Variants in CRACR2B observed in about 807,000 individuals in gnomAD.
CRACR2B encodes the protein calcium release activated channel regulator 2B.
A neutral mutation model predicts 46.0 loss-of-function variants in CRACR2B; 50 were observed. That is an observed-to-expected ratio of 1.09 (90% CI 0.87 to 1.38). CRACR2B has a LOEUF of 1.38. Among genes scored for constraint, CRACR2B ranks in the 40% most tolerant of loss-of-function variants. CRACR2B has a pLI of 0.00. For missense variants in CRACR2B, 667 were observed against 535.0 expected, an observed-to-expected ratio of 1.25 and a Z score of -2.43; for synonymous variants, 277 against 239.6, an observed-to-expected ratio of 1.16 and a Z score of -1.44.
At position 829,833 on chromosome 11, in the gene CRACR2B, G is replaced by T. The variant is rs997748790; in HGVS notation, c.459-153G>T. ...TCACCGACCACGCACGCCGGGCAGG[G>T]GCGAAAGCGCTCACGGGAGGGATGC... On this transcript the variant is annotated intron_variant, in intron 3 of 8. Coordinates refer to ENST00000525077, the MANE Select transcript of CRACR2B (RefSeq NM_001286606.2). 6.5e-6 allele frequency: 9 copies of T among 1,383,136 alleles called. No homozygotes were observed. The African/African-American group carries it at 1.3e-4, about 20-fold the overall frequency. 85.7% of individuals were successfully genotyped at this position (1,383,136 alleles called of 1,614,324 possible).
chr11:828,642 C>T lies in CRACR2B; in HGVS notation c.35C>T (p.Ala12Val). ...ASPGKPGADE[A>V]QEEEGELEGG... ...CCTGGAAAGCCTGGGGCTGATGAGG[C>T]CCAGGAGGAGGAGGGGGAACTCGAG... is the stretch of plus-strand genomic sequence containing the variant. Residue 12 changes from alanine to valine, a missense_variant, in exon 1 of 9, where the codon GCC becomes GTC. By Grantham distance (64) the Ala-to-Val change is moderately conservative. Transcript: ENST00000525077. 6.2e-7 allele frequency: 1 copy of T among 1,606,792 alleles called. No homozygotes were observed. The highest frequency in any genetic ancestry group is 8.5e-7 in the Non-Finnish European group (1 of 1,178,180).
rs374170179 is a variant in CRACR2B at position 831,548 on chromosome 11, C to G, written c.1039C>G (p.Arg347Gly). The G allele has an allele frequency of 1.9e-6, 3 of 1,597,018 alleles. No individual in the cohort carries two copies. Among genetic ancestry groups the G allele is most frequent in the Non-Finnish European group, 2.6e-6 (3 of 1,173,610 alleles). ...QLELLRELNT[R>G]LRDDRDACEA... ...CTCCTTCCCTAGGGAGCTGAATACA[C>G]GGCTGCGGGATGACAGGGACGCCTG... Residue 347 changes from arginine to glycine, a missense_variant, in exon 9 of 9, where the codon CGG becomes GGG. By Grantham distance (125) the Arg-to-Gly change is moderately radical. Transcript: ENST00000525077.
Position 829,525 on chromosome 11 carries a change from C to T in CRACR2B, c.443C>T (p.Ala148Val), listed in dbSNP as rs750045817. ...FHTVLEQLGV[A>V]PVLGKQRAVR... ...ACTGTGCTGGAGCAGCTGGGGGTGG[C>T]CCCGGTCCTGGGCAAGTGAGTCGGC... is the stretch of plus-strand genomic sequence containing the variant. Residue 148 changes from alanine (A) to valine (V), a missense_variant, in exon 3 of 9, where the codon GCC becomes GTC. Transcript: ENST00000525077. 6.3e-7 allele frequency: 1 copy of T among 1,593,146 alleles called. No individual in the cohort carries two copies. Among genetic ancestry groups the T allele is most frequent in the South Asian group, 1.1e-5 (1 of 88,054 alleles).
In CRACR2B at chr11:830,105, G is replaced by C. The variant is rs747895158; in HGVS notation, c.578G>C (p.Arg193Pro). The C allele has an allele frequency of 3.0e-4, 458 of 1,539,594 alleles. 2 individuals are homozygous for C. Among genetic ancestry groups the C allele is most frequent in the Non-Finnish European group, 3.7e-4 (420 of 1,147,804 alleles). The change falls in exon 4 of 9, where the codon CGC becomes CCC. Residue 193 changes from arginine to proline, a missense_variant. Arg to Pro is a moderately radical substitution (Grantham distance 103). Transcript: ENST00000525077. ...TGCCTGGAGGAGGCGGCCCGGGAGCGCGACGGCCTGGAGCAGGCGCTGCGG... is the reference window on the plus strand; with the variant it reads ...TGCCTGGAGGAGGCGGCCCGGGAGCCCGACGGCCTGGAGCAGGCGCTGCGG... ...SACLEEAARE[R>P]DGLEQALRRR...
intron 3 of CRACR2B, 195 bp downstream of exon 3, chr11:829,735 G>C (rs1382598400): frequency 3.0e-6 from 3 of 1,010,004 alleles, no homozygotes; most frequent in Non-Finnish European, 4.2e-6. Context: ...TGAGGCAGCA[G>C]CCAGGGCTGC....
rs1332885065 is a variant in CRACR2B at position 830,097 on chromosome 11, C to A, written c.570C>A (p.Ala190=). Residue 190 remains alanine, a synonymous_variant, in exon 4 of 9, where the codon GCC becomes GCA. Transcript: ENST00000525077. The stretch of plus-strand genomic sequence containing the variant: ...CGTCGGCCTGCCTGGAGGAGGCGGC[C>A]CGGGAGCGCGACGGCCTGGAGCAGG... ...IRASACLEEA[A]RERDGLEQAL... The A allele has an allele frequency of 6.5e-7, 1 of 1,541,564 alleles. No homozygotes were observed. Among genetic ancestry groups the A allele is most frequent in the Non-Finnish European group, 8.7e-7 (1 of 1,148,690 alleles).
Position 828,638 on chromosome 11 carries a change from G to A in CRACR2B, c.31G>A (p.Glu11Lys), listed in dbSNP as rs1346052708. 12 of 1,602,510 alleles carry A rather than the reference G, an allele frequency of 7.5e-6. No individual in the cohort carries two copies. The highest frequency in any genetic ancestry group is 1.8e-5 in the Admixed American group (1 of 55,988). The change falls in exon 1 of 9, where the codon GAG (glutamate) becomes AAG (lysine). Residue 11 changes from glutamate (E) to lysine (K), a missense_variant. Transcript: ENST00000525077. The stretch of plus-strand genomic sequence containing the variant: ...CAGCCCTGGAAAGCCTGGGGCTGAT[G>A]AGGCCCAGGAGGAGGAGGGGGAACT... MASPGKPGADEAQEEEGELEG... is the reference protein window; with the variant it reads MASPGKPGADKAQEEEGELEG...
In CRACR2B at chr11:831,030, A is replaced by C. The variant is rs1846370511; in HGVS notation, c.951A>C (p.Gln317His). 1.3e-6 allele frequency: 2 copies of C among 1,534,716 alleles called. No individual in the cohort carries two copies. Among genetic ancestry groups the C allele is most frequent in the Non-Finnish European group, 1.7e-6 (2 of 1,146,502 alleles). Residue 317 changes from glutamine to histidine, a missense_variant and splice_region_variant, in exon 7 of 9, where the codon CAA becomes CAC. Coordinates refer to ENST00000525077, the MANE Select transcript of CRACR2B (RefSeq NM_001286606.2). ...CACGAGGCCGCCAGGAGCAAACCCA[A>C]CGGTGCCGTGGGACGGGGCTGGGCG... ...SEARGRQEQT[Q>H]RDVVAVSRNM...
At position 828,585 on chromosome 11, in the gene CRACR2B, C is replaced by T. The variant is rs1289457578; in HGVS notation, c.-23C>T. 1.9e-6 allele frequency: 3 copies of T among 1,570,288 alleles called. No individual in the cohort carries two copies. The highest frequency in any genetic ancestry group is 2.6e-6 in the Non-Finnish European group (3 of 1,166,388). On this transcript the variant is annotated 5_prime_UTR_variant, in exon 1 of 9. Transcript: ENST00000525077. ...CCCTTGGCTTCACAGCACCTGAAGG[C>T]CAGGCTGAGGCCCCCTGCTCTCATG... is the stretch of plus-strand genomic sequence containing the variant.
chr11:830,429 G>A (rs974992018), intron 5 of CRACR2B, 92 bp downstream of exon 5: 5 of 1,536,000 alleles, frequency 3.3e-6, no homozygotes, highest in South Asian at 2.4e-5. Flanking sequence ...CCTCCCCGAC[G>A]GCCCCACCTC....
At chr11:829,675 C>T (rs1033671997) in intron 3 of CRACR2B, 135 bp downstream of exon 3, 1 of 1,113,870 alleles carries the variant, frequency 9.0e-7, no homozygotes, top group Non-Finnish European at 1.2e-6. Flanking sequence ...GCGTCAGCTG[C>T]GATTCCCTGG....
At position 831,593 on chromosome 11, in the gene CRACR2B, A is replaced by G. The variant is rs1163801915; in HGVS notation, c.1084A>G (p.Ser362Gly). 6.3e-7 allele frequency: 1 copy of G among 1,587,382 alleles called. No homozygotes were observed. The highest frequency in any genetic ancestry group is 8.5e-7 in the Non-Finnish European group (1 of 1,171,178). Residue 362 changes from serine to glycine, a missense_variant, in exon 9 of 9, where the codon AGC becomes GGC. Ser to Gly is a moderately conservative substitution (Grantham distance 56, BLOSUM62 0). Transcript: ENST00000525077. The part of the protein sequence containing the change: ...RDACEARRAG[S>G]SCRKALTTAR... Reference sequence around the variant, plus strand: ...CGCCTGCGAGGCCAGGCGGGCGGGCAGCAGCTGCAGGAAGGCTCTGACAAC... The same window carrying G: ...CGCCTGCGAGGCCAGGCGGGCGGGCGGCAGCTGCAGGAAGGCTCTGACAAC...
chr11:827,209 G>A (rs955231137), upstream of CRACR2B: 2 of 152,238 alleles, frequency 1.3e-5, no homozygotes, highest in Admixed American at 1.3e-4. Flanking sequence ...GGTCGCTCGG[G>A]GCCCAGTGCC....
chr11:831,211 C>A lies in CRACR2B; in HGVS notation c.954-13C>A, dbSNP rs754240879. ...AGCCTTCCTGCAGCCGGGTCACCAC[C>A]TCCCATCCACAGAGACGTGGTCGCC... On this transcript the variant is annotated splice_polypyrimidine_tract_variant and intron_variant, in intron 7 of 8. Transcript: ENST00000525077. 6.2e-7 allele frequency: 1 copy of A among 1,609,902 alleles called. No individual in the cohort carries two copies. The highest frequency in any genetic ancestry group is 2.2e-5 in the East Asian group (1 of 44,852).
intron 6 of CRACR2B, 75 bp from the exon 7 acceptor site, chr11:830,790 CG>C: frequency 6.7e-7 from 1 of 1,481,932 alleles, no homozygotes; most frequent in East Asian, 2.5e-5. Context: ...CCCGGGTTGT[CG>C]GGAGCCTGGG....
At chr11:831,466 G>A in intron 8 of CRACR2B, 69 bp from the exon 9 acceptor site, 1 of 1,508,164 alleles carries the variant, frequency 6.6e-7, no homozygotes, top group East Asian at 2.3e-5. Context: ...TCTGAGGGGA[G>A]TCGGAGCTCA....
chr11:831,505 C>G (rs920732243), intron 8 of CRACR2B, 30 bp from the exon 9 acceptor site: 2 of 1,550,652 alleles, frequency 1.3e-6, no homozygotes, highest in Admixed American at 2.1e-5. Context: ...TCCCTCAGAC[C>G]CTCTCAGTGT....
chr11:830,764 C>A (rs1052319294), intron 6 of CRACR2B, 51 bp downstream of exon 6: 4 of 1,490,618 alleles, frequency 2.7e-6, no homozygotes, highest in Admixed American at 4.3e-5. Flanking sequence ...GCACTCTCCC[C>A]CTGTGCCTTA....
chr11:829,066 C>T (rs1478544123), intron 2 of CRACR2B, 103 bp downstream of exon 2: 2 of 1,464,716 alleles, frequency 1.4e-6, no homozygotes, highest in East Asian at 2.4e-5. Flanking sequence ...CTCTCGTCCT[C>T]CTCCCTCCAG....
Sources: gnomAD v4.1 joint callset for allele counts on GRCh38, gnomAD v4.1.1 for gene constraint, MANE v1.5 for transcripts, NCBI Gene and HGNC (gene_info 2026-07-23, HGNC 2026-07-21) for gene names.